The following NYAP2 variants were observed in gnomAD, a reference collection of about 807,000 sequenced individuals.
NYAP2 encodes the protein neuronal tyrosine-phosphorylated phosphoinositide-3-kinase adaptor 2.
In NYAP2, 23 loss-of-function variants were observed where a neutral mutation model predicts 50.4. That is an observed-to-expected ratio of 0.46 (90% CI 0.33 to 0.65). The LOEUF (loss-of-function observed/expected upper bound fraction) is 0.65, where lower values mean the gene tolerates loss of function less well. Among genes scored for constraint, NYAP2 ranks in the 30% least tolerant of loss-of-function variants. The probability of loss-of-function intolerance (pLI) is 0.02; values close to 1 mark genes in which losing one functional copy is unlikely to be tolerated. For synonymous variants in NYAP2, 394 were observed against 365.2 expected (o/e 1.08, Z -0.90); for missense variants, 885 against 861.0 (o/e 1.03, Z -0.35).
the NYAP2 span, among the ~76,000 whole-genome samples, chr2:225,697,662 G>C: frequency 6.6e-6 from 1 of 151,744 alleles, no homozygotes; most frequent in African/African-American, 2.4e-5. Context: ...GCACAAATAA[G>C]ACAATGGAGC....
At chr2:225,593,072 G>C (rs1692537909) in intron 5 of NYAP2, among the ~76,000 whole-genome samples, 2 of 151,980 alleles carry the variant, frequency 1.3e-5, no homozygotes, top group African/African-American at 2.4e-5. Flanking sequence ...TTTTTTTAGA[G>C]ACTATCATGT....
chr2:225,405,341 A>C (rs375972072), intron 2 of NYAP2, among the ~76,000 whole-genome samples: 23 of 151,972 alleles, frequency 1.5e-4, no homozygotes, highest in Non-Finnish European at 1.0e-4. Context: ...CCTCTTAACA[A>C]ATAGGGTCTT....
At chr2:225,552,393 G>A (rs1421596463) in intron 4 of NYAP2, among the ~76,000 whole-genome samples, 1 of 152,202 alleles carries the variant, frequency 6.6e-6, no homozygotes, top group African/African-American at 2.4e-5. Context: ...CTACCATCCT[G>A]TGATGGACTG....
chr2:225,430,805 G>A (rs2106133531), intron 3 of NYAP2, among the ~76,000 whole-genome samples: 1 of 152,286 alleles, frequency 6.6e-6, no homozygotes, highest in East Asian at 1.9e-4. Flanking sequence ...GTTAAACTCT[G>A]TGATGGAACA....
chr2:225,424,414 TAAG>T (rs1382633901), intron 3 of NYAP2, among the ~76,000 whole-genome samples: 1 of 152,092 alleles, frequency 6.6e-6, no homozygotes, highest in East Asian at 1.9e-4. Context: ...CTAAGTACTG[TAAG>T]AAGAGTCATC....
At chr2:225,622,480 G>GGACA (rs1166093484) in intron 5 of NYAP2, among the ~76,000 whole-genome samples, 1 of 150,528 alleles carries the variant, frequency 6.6e-6, no homozygotes, top group East Asian at 2.0e-4. Context: ...ATTGCCTTAA[G>GGACA]GACATTAACC....
At chr2:225,635,244 G>A (rs536051135) in intron 6 of NYAP2, among the ~76,000 whole-genome samples, 12 of 152,286 alleles carry the variant, frequency 7.9e-5, no homozygotes, top group Admixed American at 2.0e-4. Flanking sequence ...TTGGAAGACC[G>A]TAATAAATCG....
chr2:225,511,373 C>CAGAGAGAG (rs67828728), intron 3 of NYAP2, among the ~76,000 whole-genome samples: 32 of 117,834 alleles, frequency 2.7e-4, no homozygotes, highest in African/African-American at 9.0e-4. Flanking sequence ...CACACACACA[C>CAGAGAGAG]AGAGAGAGAG....
the NYAP2 span, among the ~76,000 whole-genome samples, chr2:225,670,099 A>AGAT: frequency 6.6e-6 from 1 of 152,198 alleles, no homozygotes; most frequent in African/African-American, 2.4e-5. Flanking sequence ...AAGGTTTTAT[A>AGAT]GATAGGTCAT....
intron 4 of NYAP2, among the ~76,000 whole-genome samples, chr2:225,564,180 C>A (rs1691922608): frequency 6.6e-6 from 1 of 152,024 alleles, no homozygotes; most frequent in South Asian, 2.1e-4. Context: ...GGGGATGTTG[C>A]TTCTGTGTGG....
At chr2:225,454,789 G>A (rs1477013193) in intron 3 of NYAP2, among the ~76,000 whole-genome samples, 1 of 152,168 alleles carries the variant, frequency 6.6e-6, no homozygotes, top group African/African-American at 2.4e-5. Context: ...CTCCCCATCT[G>A]TGGAAAAAGT....
chr2:225,454,240 A>G (rs1359474212), intron 3 of NYAP2, among the ~76,000 whole-genome samples: 1 of 152,140 alleles, frequency 6.6e-6, no homozygotes, highest in African/African-American at 2.4e-5. Flanking sequence ...CTGAGGTGGA[A>G]GGATCACTTG....
chr2:225,442,208 T>C (rs1365723715), intron 3 of NYAP2, among the ~76,000 whole-genome samples: 1 of 152,200 alleles, frequency 6.6e-6, no homozygotes, highest in African/African-American at 2.4e-5. Context: ...GGAGGAGTAG[T>C]TGATTAGCCA....
intron 6 of NYAP2, among the ~76,000 whole-genome samples, chr2:225,645,227 C>T (rs1449625711): frequency 6.8e-6 from 1 of 146,152 alleles, no homozygotes; most frequent in African/African-American, 2.6e-5. Context: ...CACTGCACTC[C>T]AGCCTGGGCA....
chr2:225,486,556 C>G (rs766857448), intron 3 of NYAP2, among the ~76,000 whole-genome samples: 4 of 152,164 alleles, frequency 2.6e-5, no homozygotes, highest in Non-Finnish European at 5.9e-5. Flanking sequence ...GCTTCCAAAT[C>G]CCACTGATTT....
chr2:225,566,182 G>T (rs559202352), intron 4 of NYAP2, among the ~76,000 whole-genome samples: 94 of 151,932 alleles, frequency 6.2e-4, no homozygotes, highest in Non-Finnish European at 1.0e-3. Context: ...GATAAATAGT[G>T]GCTATTATTA....
At chr2:225,491,210 T>C (rs905847243) in intron 3 of NYAP2, among the ~76,000 whole-genome samples, 1 of 152,184 alleles carries the variant, frequency 6.6e-6, no homozygotes, top group Non-Finnish European at 1.5e-5. Context: ...TTAAGCTTAA[T>C]TACATGAGCA....
intron 3 of NYAP2, among the ~76,000 whole-genome samples, chr2:225,449,952 T>G (rs1440591248): frequency 6.6e-6 from 1 of 152,132 alleles, no homozygotes; most frequent in Non-Finnish European, 1.5e-5. Context: ...TATGCACCAT[T>G]CCTGTATCTG....
rs556081864 is a variant in NYAP2, at chr2:225,610,451, TA to T, written c.1619-16465del. ...CCTTGTTAAAGGGCCTATGTCCAAATAGAGTCACATTGTGGGATTAGGACTT... is the reference window on the plus strand; with the variant it reads ...CCTTGTTAAAGGGCCTATGTCCAAATGAGTCACATTGTGGGATTAGGACTT... On this transcript the variant is annotated intron_variant, in intron 5 of 6. Coordinates refer to ENST00000636099, the Ensembl canonical transcript of NYAP2. Among the ~76,000 whole-genome samples, 15 of 152,254 alleles carry T rather than the reference TA, an allele frequency of 9.9e-5. No individual in the cohort carries two copies. The South Asian group carries it at 3.1e-3, about 32-fold the overall frequency.
Sources: gnomAD v4.1 joint callset for allele counts (sites outside exome capture counted in the v4.1 genomes callset) on GRCh38, gnomAD v4.1.1 for gene constraint, MANE v1.5 for transcripts, NCBI Gene and HGNC (gene_info 2026-07-23, HGNC 2026-07-21) for gene names.